Variants in TBC1D5 observed in about 807,000 individuals in gnomAD.
The protein encoded by TBC1D5 is TBC1 domain family member 5, also known as TBC1 domain family, member 5.
A neutral mutation model predicts 100.3 loss-of-function variants in TBC1D5; 75 were observed. The ratio of observed to expected loss-of-function variants is 0.75; its 90% CI spans 0.62 to 0.91. The LOEUF is 0.91. TBC1D5 is among the 40% of genes least tolerant of loss of function. TBC1D5 has a pLI of 0.00. For synonymous variants in TBC1D5, 323 were observed against 325.6 expected (o/e 0.99, Z 0.09); for missense variants, 910 against 942.4 (o/e 0.97, Z 0.45).
chr3:17,265,713 C>T lies in TBC1D5; in HGVS notation c.1246-7122G>A, dbSNP rs187983394. Among the ~76,000 whole-genome samples, 10 of 152,182 alleles carry T rather than the reference C, an allele frequency of 6.6e-5. No individual in the cohort carries two copies. In the East Asian group the frequency reaches 7.7e-4, roughly 12 times the overall value. On this transcript the variant is annotated intron_variant, in intron 15 of 21. Transcript: ENST00000253692. ...CCATGGAAGAAGAGTTAGTTTAATA[C>T]GCTGTAACTGAAATGAGATAACCTA...
At chr3:17,204,150 G>A (rs1188760067) in intron 18 of TBC1D5, among the ~76,000 whole-genome samples, 2 of 152,220 alleles carry the variant, frequency 1.3e-5, no homozygotes, top group African/African-American at 2.4e-5. Flanking sequence ...CCAGGGACAA[G>A]AGGTTTAAGA....
intron 3 of TBC1D5, among the ~76,000 whole-genome samples, chr3:17,477,681 A>T (rs1439342352): frequency 1.3e-5 from 2 of 152,062 alleles, no homozygotes; most frequent in East Asian, 3.8e-4. Context: ...ATGGCTACAT[A>T]TCCATTTATG....
intron 2 of TBC1D5, among the ~76,000 whole-genome samples, chr3:17,591,264 A>C (rs1040074881): frequency 1.8e-5 from 2 of 110,742 alleles, no homozygotes; most frequent in African/African-American, 4.1e-5. Context: ...AAAAAAAAAA[A>C]AACAAAAACC....
At chr3:17,426,331 A>G (rs2094335049) in intron 4 of TBC1D5, among the ~76,000 whole-genome samples, 1 of 152,138 alleles carries the variant, frequency 6.6e-6, no homozygotes, top group African/African-American at 2.4e-5. Flanking sequence ...CTGTGCTTCT[A>G]TGAATTCTAC....
intron 18 of TBC1D5, among the ~76,000 whole-genome samples, chr3:17,212,254 G>A (rs750798405): frequency 1.4e-4 from 21 of 152,100 alleles, no homozygotes; most frequent in South Asian, 1.2e-3. Context: ...ATACATGATG[G>A]TGGTCCCATA....
At chr3:17,362,272 A>T (rs924731438) in intron 13 of TBC1D5, among the ~76,000 whole-genome samples, 2 of 152,220 alleles carry the variant, frequency 1.3e-5, no homozygotes, top group Non-Finnish European at 2.9e-5. Context: ...GAAAAAGTTG[A>T]TAAATTAGGT....
At chr3:17,477,136 G>A (rs1177544924) in intron 3 of TBC1D5, among the ~76,000 whole-genome samples, 1 of 151,734 alleles carries the variant, frequency 6.6e-6, no homozygotes, top group East Asian at 1.9e-4. Flanking sequence ...TTTTTTTAAT[G>A]TTTCCCCTAC....
intron 8 of TBC1D5, among the ~76,000 whole-genome samples, chr3:17,392,976 C>A (rs1279698331): frequency 2.0e-5 from 3 of 152,066 alleles, no homozygotes; most frequent in Non-Finnish European, 4.4e-5. Flanking sequence ...TTTACACTCC[C>A]ACCAAAAGCA....
intron 1 of TBC1D5, chr3:17,705,916 G>A (rs1272726233): frequency 5.2e-6 from 5 of 956,284 alleles, no homozygotes; most frequent in Non-Finnish European, 7.6e-6. Context: ...TTGCCCTCGG[G>A]CCCGCGGGGC....
intron 17 of TBC1D5, among the ~76,000 whole-genome samples, chr3:17,233,385 G>A (rs962660491): frequency 3.3e-5 from 5 of 152,120 alleles, no homozygotes; most frequent in Non-Finnish European, 2.9e-5. Context: ...GTGTGAGCTG[G>A]CACACAAAGT....
chr3:17,388,685 C>CAAAAAAAA (rs60539576), intron 8 of TBC1D5, among the ~76,000 whole-genome samples: 1 of 108,002 alleles, frequency 9.3e-6, no homozygotes, highest in Non-Finnish European at 1.9e-5. Flanking sequence ...CCTGCCTTTA[C>CAAAAAAAA]AAAAAAAAAA....
chr3:17,199,296 A>C (rs760812494), intron 18 of TBC1D5, among the ~76,000 whole-genome samples: 2 of 152,240 alleles, frequency 1.3e-5, no homozygotes, highest in Non-Finnish European at 2.9e-5. Context: ...CCTGTGCAAT[A>C]AACAGATATT....
Position 17,566,213 on chromosome 3 carries a change from T to C in TBC1D5, c.-35-57608A>G, listed in dbSNP as rs1185971599. Among the ~76,000 whole-genome samples the C allele has an allele frequency of 2.6e-5, 4 of 152,150 alleles. No homozygotes were observed. The East Asian group carries it at 7.7e-4, about 29-fold the overall frequency. On this transcript the variant is annotated intron_variant, in intron 2 of 21. Coordinates refer to ENST00000253692, the Ensembl canonical transcript of TBC1D5. The stretch of plus-strand genomic sequence containing the variant: ...ACACTAAGAGTTCATGGATTACACA[T>C]CTAACAGTCTGCTGTGAACATGTGG...
At chr3:17,678,772 A>G (rs2069037689) in intron 1 of TBC1D5, among the ~76,000 whole-genome samples, 1 of 151,136 alleles carries the variant, frequency 6.6e-6, no homozygotes, top group Admixed American at 6.6e-5. Context: ...CATTTAAAAA[A>G]ATGAATAAAA....
chr3:17,551,558 C>T (rs1340611410), intron 2 of TBC1D5, among the ~76,000 whole-genome samples: 4 of 152,050 alleles, frequency 2.6e-5, no homozygotes, highest in Middle Eastern at 3.2e-3. Flanking sequence ...ACAGAAAAAT[C>T]AAATTAATCC....
At chr3:17,680,944 T>C (rs1042234113) in intron 1 of TBC1D5, among the ~76,000 whole-genome samples, 1 of 151,490 alleles carries the variant, frequency 6.6e-6, no homozygotes, top group Non-Finnish European at 1.5e-5. Context: ...AACACTTCCA[T>C]GAGAACAACC....
At chr3:17,312,479 T>C (rs553051558) in intron 13 of TBC1D5, among the ~76,000 whole-genome samples, 1 of 152,308 alleles carries the variant, frequency 6.6e-6, no homozygotes, top group African/African-American at 2.4e-5. Flanking sequence ...AACTTTGAAT[T>C]ACTGTGTCTA....
intron 13 of TBC1D5, among the ~76,000 whole-genome samples, chr3:17,309,581 AGG>A (rs1245099122): frequency 3.9e-5 from 6 of 152,034 alleles, no homozygotes; most frequent in African/African-American, 1.4e-4. Flanking sequence ...TAATAAAATG[AGG>A]GGTGATTAAC....
chr3:17,642,782 T>A (rs533789006), intron 1 of TBC1D5, among the ~76,000 whole-genome samples: 18 of 152,270 alleles, frequency 1.2e-4, no homozygotes, highest in African/African-American at 4.3e-4. Flanking sequence ...AAGAGCACTT[T>A]CACAGTCTCA....
Sources: allele counts gnomAD v4.1 joint callset (sites outside exome capture counted in the v4.1 genomes callset), GRCh38; gene constraint gnomAD v4.1.1; transcripts MANE v1.5; gene names NCBI Gene and HGNC (gene_info 2026-07-23, HGNC 2026-07-21).